Variants in SLC24A2 observed in about 807,000 individuals in gnomAD.
The protein encoded by SLC24A2 is solute carrier family 24 member 2, also known as sodium/potassium/calcium exchanger 2.
Under a neutral mutation model 62.0 loss-of-function variants are expected in SLC24A2, and 36 were observed. The observed-to-expected ratio is 0.58, with a 90% CI of 0.44 to 0.77. The LOEUF (loss-of-function observed/expected upper bound fraction) is 0.77, where lower values mean the gene tolerates loss of function less well. SLC24A2 is among the 30% of genes least tolerant of loss of function. SLC24A2 has a pLI of 0.00. For synonymous variants in SLC24A2, 358 were observed against 294.0 expected, an observed-to-expected ratio of 1.22 and a Z score of -2.23; for missense variants, 846 against 817.9, an observed-to-expected ratio of 1.03 and a Z score of -0.42.
the SLC24A2 span, among the ~76,000 whole-genome samples, chr9:19,827,101 T>C: frequency 0.78 from 119,180 of 152,086 alleles, 49,960 homozygotes; most frequent in Non-Finnish European, 0.94. Flanking sequence ...ACAAACTTTT[T>C]CATGTTTCTA....
intron 10 of SLC24A2, 40 bp from the exon 11 acceptor site, chr9:19,516,442 C>CA (rs1832932642): frequency 6.2e-7 from 1 of 1,609,298 alleles, no homozygotes; most frequent in Non-Finnish European, 8.5e-7. Flanking sequence ...AGTGGGAAGA[C>CA]AAGGGAGTAG....
chr9:20,224,498 G>GA, the SLC24A2 span, among the ~76,000 whole-genome samples: 3 of 152,042 alleles, frequency 2.0e-5, no homozygotes, highest in Non-Finnish European at 4.4e-5. Context: ...AATACTGGCA[G>GA]AAAAAATAGA....
chr9:19,748,477 G>A (rs747088177), intron 2 of SLC24A2, among the ~76,000 whole-genome samples: 5 of 152,122 alleles, frequency 3.3e-5, no homozygotes, highest in African/African-American at 4.8e-5. Flanking sequence ...TCACCATTGT[G>A]AGCACGTTTA....
Position 19,776,943 on chromosome 9 carries a change from C to T in SLC24A2, c.930+8994G>A, listed in dbSNP as rs1159850842. Among the ~76,000 whole-genome samples the T allele has an allele frequency of 6.6e-5, 10 of 152,310 alleles. 1 individual carries two copies. In the South Asian group the frequency reaches 1.7e-3, roughly 25 times the overall value. On this transcript the variant is annotated intron_variant, in intron 2 of 10. Transcript: ENST00000341998. ...GGTTCCTTGGAGGTACAGAATCCCC[C>T]TTAGGTTAAATGGCCAAGGAGCACA...
chr9:20,111,935 A>G, the SLC24A2 span, among the ~76,000 whole-genome samples: 1 of 152,204 alleles, frequency 6.6e-6, no homozygotes, highest in African/African-American at 2.4e-5. Flanking sequence ...TCTTCAAAAT[A>G]ATATCATTTT....
At chr9:20,106,282 A>G in the SLC24A2 span, among the ~76,000 whole-genome samples, 33,299 of 152,072 alleles carry the variant, frequency 0.22, 4,102 homozygotes, top group East Asian at 0.57. Flanking sequence ...AGGAGGAGCC[A>G]GTACCATTCC....
chr9:20,098,624 C>A, the SLC24A2 span, among the ~76,000 whole-genome samples: 4 of 152,148 alleles, frequency 2.6e-5, no homozygotes, highest in African/African-American at 4.8e-5. Flanking sequence ...TACTAACTGG[C>A]CACTTCCCCT....
At chr9:19,900,428 C>A in the SLC24A2 span, among the ~76,000 whole-genome samples, 1 of 152,206 alleles carries the variant, frequency 6.6e-6, no homozygotes, top group Admixed American at 6.5e-5. Context: ...TCCCCTCCCT[C>A]TTCCCTACTC....
the SLC24A2 span, among the ~76,000 whole-genome samples, chr9:20,141,477 A>T: frequency 6.6e-6 from 1 of 152,064 alleles, no homozygotes; most frequent in East Asian, 1.9e-4. Context: ...TTGGTCTCAT[A>T]TTTCACTTCT....
At chr9:20,163,189 T>C in the SLC24A2 span, among the ~76,000 whole-genome samples, 1 of 152,146 alleles carries the variant, frequency 6.6e-6, no homozygotes, top group Non-Finnish European at 1.5e-5. Flanking sequence ...GGAAGTCAAA[T>C]TGTCCCTGTT....
At chr9:19,787,712 T>G (rs1336458063) in intron 1 of SLC24A2, among the ~76,000 whole-genome samples, 3 of 117,190 alleles carry the variant, frequency 2.6e-5, no homozygotes, top group African/African-American at 8.3e-5. Context: ...ATCTAGACAT[T>G]GTTTTCAGCT....
the SLC24A2 span, among the ~76,000 whole-genome samples, chr9:20,031,755 C>G: frequency 6.6e-6 from 1 of 152,132 alleles, no homozygotes; most frequent in Non-Finnish European, 1.5e-5. Context: ...AGCCCCAATC[C>G]TGACTCTAGG....
At chr9:19,595,066 G>A (rs1836669022) in intron 5 of SLC24A2, among the ~76,000 whole-genome samples, 1 of 152,154 alleles carries the variant, frequency 6.6e-6, no homozygotes, top group Admixed American at 6.5e-5. Flanking sequence ...TCCTGTTCTA[G>A]GTGAAGGATT....
At chr9:19,933,677 G>C in the SLC24A2 span, among the ~76,000 whole-genome samples, 1 of 152,144 alleles carries the variant, frequency 6.6e-6, no homozygotes, top group East Asian at 1.9e-4. Context: ...ATGCATCTTC[G>C]TAGCAGCATT....
chr9:19,834,066 A>T, the SLC24A2 span, among the ~76,000 whole-genome samples: 1 of 152,050 alleles, frequency 6.6e-6, no homozygotes, highest in Non-Finnish European at 1.5e-5. Context: ...CACCCCAAAA[A>T]CCCATCTGTA....
At chr9:19,787,353 A>G (rs960613843) in intron 1 of SLC24A2, among the ~76,000 whole-genome samples, 26 of 152,206 alleles carry the variant, frequency 1.7e-4, no homozygotes, top group Non-Finnish European at 2.4e-4. Context: ...ACAGGTGAAA[A>G]TCTATCAGAT....
the SLC24A2 span, among the ~76,000 whole-genome samples, chr9:19,993,352 A>T: frequency 5.9e-5 from 9 of 152,250 alleles, no homozygotes; most frequent in African/African-American, 2.2e-4. Context: ...TTGTCCAAAG[A>T]ATAGAATATA....
At chr9:19,822,690 T>C in the SLC24A2 span, among the ~76,000 whole-genome samples, 3 of 152,158 alleles carry the variant, frequency 2.0e-5, no homozygotes, top group Admixed American at 6.5e-5. Flanking sequence ...TCTGAGACGA[T>C]GTGATTGCAT....
the SLC24A2 span, among the ~76,000 whole-genome samples, chr9:20,149,218 A>G: frequency 6.6e-6 from 1 of 151,960 alleles, no homozygotes; most frequent in Non-Finnish European, 1.5e-5. Context: ...TGGTAACTCT[A>G]ATGACTTTCC....
Sources: gnomAD v4.1 joint callset for allele counts (sites outside exome capture counted in the v4.1 genomes callset) on GRCh38, gnomAD v4.1.1 for gene constraint, MANE v1.5 for transcripts, NCBI Gene and HGNC (gene_info 2026-07-23, HGNC 2026-07-21) for gene names.